Variants in ATXN10 observed in about 807,000 individuals in gnomAD.
The protein encoded by ATXN10 is ataxin 10.
ATXN10 carries 28 observed loss-of-function variants against 52.9 expected under a neutral mutation model. The observed-to-expected ratio is 0.53, with a 90% CI of 0.39 to 0.73. The LOEUF (loss-of-function observed/expected upper bound fraction) is 0.73, where lower values mean the gene tolerates loss of function less well. Ranked by LOEUF, ATXN10 falls within the 30% of genes least tolerant of loss-of-function variation. The pLI is 0.00. For missense variants in ATXN10, 565 were observed against 577.0 expected, an observed-to-expected ratio of 0.98 and a Z score of 0.21; for synonymous variants, 226 against 221.5, an observed-to-expected ratio of 1.02 and a Z score of -0.18.
intron 6 of ATXN10, among the ~76,000 whole-genome samples, chr22:45,725,132 A>G (rs1389985702): frequency 2.0e-5 from 3 of 152,010 alleles, no homozygotes; most frequent in Non-Finnish European, 4.4e-5. Context: ...TGCTTTGGAT[A>G]TTTGGGCTCT....
rs1476834775 is a variant in ATXN10 at position 45,708,556 on chromosome 22, G to A, written c.647+5709G>A. Among the ~76,000 whole-genome samples the A allele has an allele frequency of 1.3e-5, 2 of 152,190 alleles. No homozygotes were observed. Among genetic ancestry groups the A allele is most frequent in the Non-Finnish European group, 2.9e-5 (2 of 68,030 alleles). On this transcript the variant is annotated intron_variant, in intron 5 of 11. Transcript: ENST00000252934. This position sits in a 1 kb window ranked among gnomAD's most constrained non-coding sequence, Gnocchi z 5.3. The stretch of plus-strand genomic sequence containing the variant: ...CATTTTTATTAATACCATGTCATGT[G>A]TTATGAAAATTACCGATTTTCAGAG...
chr22:45,708,674 CTG>C lies in ATXN10; in HGVS notation c.647+5829_647+5830del, dbSNP rs1480048081. ...TTTCTTTTTGAGACAGAGTCTCACT[CTG>C]TTGCCCAGGCTGGAGTGCAGTGGTG... On this transcript the variant is annotated intron_variant, in intron 5 of 11. Coordinates refer to ENST00000252934, the MANE Select transcript of ATXN10 (RefSeq NM_013236.4). The surrounding 1 kb of genome is among the most constrained non-coding windows in gnomAD (Gnocchi z 5.3). Among the ~76,000 whole-genome samples, 1 of 152,306 alleles carries C rather than the reference CTG, an allele frequency of 6.6e-6. No homozygotes were observed. Among genetic ancestry groups the C allele is most frequent in the South Asian group, 2.1e-4 (1 of 4,826 alleles).
intron 7 of ATXN10, among the ~76,000 whole-genome samples, chr22:45,734,650 G>A (rs1925221072): frequency 2.0e-5 from 3 of 150,410 alleles, no homozygotes; most frequent in African/African-American, 7.3e-5. Context: ...AGTTCTTTCA[G>A]TACTTAGTTC....
rs1928881916 is a variant in ATXN10 at position 45,828,277 on chromosome 22, A to G, written c.1238-14714A>G. Among the ~76,000 whole-genome samples, 1 of 152,130 alleles carries G rather than the reference A, an allele frequency of 6.6e-6. No homozygotes were observed. The highest frequency in any genetic ancestry group is 1.5e-5 in the Non-Finnish European group (1 of 68,018). On this transcript the variant is annotated intron_variant, in intron 10 of 11. Transcript: ENST00000252934. This position sits in a 1 kb window ranked among gnomAD's most constrained non-coding sequence, Gnocchi z 4.5. ...GACAACATAACAGAACTTATGGGACACAGCAAAAATAATGCTAAGGGGGAA... is the reference window on the plus strand; with the variant it reads ...GACAACATAACAGAACTTATGGGACGCAGCAAAAATAATGCTAAGGGGGAA...
chr22:45,771,668 C>A (rs1037353386), intron 9 of ATXN10, among the ~76,000 whole-genome samples: 1 of 152,152 alleles, frequency 6.6e-6, no homozygotes, highest in African/African-American at 2.4e-5. Flanking sequence ...CCACCCACCT[C>A]GAGCTCCCAA....
intron 10 of ATXN10, among the ~76,000 whole-genome samples, chr22:45,814,498 A>G (rs1414771299): frequency 6.6e-6 from 1 of 152,242 alleles, no homozygotes; most frequent in African/African-American, 2.4e-5. Flanking sequence ...AGCAGCCTGA[A>G]CTAATACATG....
intron 1 of ATXN10, among the ~76,000 whole-genome samples, chr22:45,680,713 C>T (rs1922886623): frequency 6.6e-6 from 1 of 151,968 alleles, no homozygotes; most frequent in South Asian, 2.1e-4. Flanking sequence ...ATCCTCCTGC[C>T]TCAGCCTCCC....
intron 9 of ATXN10, among the ~76,000 whole-genome samples, chr22:45,797,331 A>T (rs1927777807): frequency 6.6e-6 from 1 of 152,236 alleles, no homozygotes; most frequent in Non-Finnish European, 1.5e-5. Context: ...AACAGTGCTC[A>T]ATAAATGTAG....
rs1372462702 is a variant in ATXN10 at position 45,754,125 on chromosome 22, G to T, written c.1173+13587G>T. 6.6e-6 allele frequency among the ~76,000 whole-genome samples: 1 copy of T among 152,220 alleles called. No individual in the cohort carries two copies. The highest frequency in any genetic ancestry group is 1.5e-5 in the Non-Finnish European group (1 of 68,042). On this transcript the variant is annotated intron_variant, in intron 9 of 11. Transcript: ENST00000252934. The surrounding 1 kb of genome is among the most constrained non-coding windows in gnomAD (Gnocchi z 5.4). ...GTTCCTGAGCCTTATGGGGTTAAGT[G>T]CAAAAGTGAGTCCTGTCAGCTAAGC...
rs1929445478 is a variant in ATXN10, at chr22:45,844,445, G to A, written c.*774G>A. The A allele has an allele frequency of 6.6e-6, 1 of 152,180 alleles. No individual in the cohort carries two copies. The highest frequency in any genetic ancestry group is 2.4e-5 in the African/African-American group (1 of 41,436). The allele number at this position is 152,180 out of a possible 1,614,324, so 9.4% of individuals were successfully genotyped here. A position where few individuals can be genotyped will look rare whatever the true frequency, so the allele number is the denominator to read the frequency against. On this transcript the variant is annotated 3_prime_UTR_variant, in exon 12 of 12. Coordinates refer to ENST00000252934, the MANE Select transcript of ATXN10 (RefSeq NM_013236.4). ...TCTGGTGCAGTGCCGTAGATTAAAG[G>A]TACATTTCTATCTTCTTTGATTTAA...
intron 9 of ATXN10, chr22:45,740,785 G>C (rs1162184803): frequency 4.7e-6 from 1 of 214,034 alleles, no homozygotes; most frequent in African/African-American, 2.4e-5. Flanking sequence ...TTAATATATA[G>C]GCTCTTTGGA....
At chr22:45,687,894 T>C (rs1923210939) in intron 1 of ATXN10, among the ~76,000 whole-genome samples, 2 of 152,066 alleles carry the variant, frequency 1.3e-5, no homozygotes, top group Non-Finnish European at 2.9e-5. Context: ...CTGTCTCTAC[T>C]AAAAATACAA....
Position 45,844,064 on chromosome 22 carries a change from T to C in ATXN10, c.*393T>C, listed in dbSNP as rs187828748. The C allele has an allele frequency of 6.5e-5, 13 of 198,796 alleles. No individual in the cohort carries two copies. The highest frequency in any genetic ancestry group is 1.9e-4 in the African/African-American group (8 of 42,868). 12.3% of individuals were successfully genotyped at this position (198,796 alleles called of 1,614,324 possible). A position where few individuals can be genotyped will look rare whatever the true frequency, so the allele number is the denominator to read the frequency against. On this transcript the variant is annotated 3_prime_UTR_variant, in exon 12 of 12. Coordinates refer to ENST00000252934, the MANE Select transcript of ATXN10 (RefSeq NM_013236.4). ...ATCATTCTTTATATTCCTCTTCTCA[T>C]TGGGTTTTCTGAACTCTGGCAGGCG...
intron 5 of ATXN10, among the ~76,000 whole-genome samples, chr22:45,713,095 T>G (rs1013670703): frequency 6.6e-6 from 1 of 152,080 alleles, no homozygotes; most frequent in Non-Finnish European, 1.5e-5. Context: ...AAAAAAAAAT[T>G]TCCCTGAAAC....
intron 10 of ATXN10, among the ~76,000 whole-genome samples, chr22:45,807,279 C>G (rs750863927): frequency 2.0e-4 from 30 of 152,134 alleles, no homozygotes; most frequent in Non-Finnish European, 4.1e-4. Flanking sequence ...ACTTTAAAAC[C>G]TGGGGCACAG....
rs1219725718 is a variant in ATXN10 at position 45,677,466 on chromosome 22, C to T, written c.116+5287C>T. On this transcript the variant is annotated intron_variant, in intron 1 of 11. Coordinates refer to ENST00000252934, the MANE Select transcript of ATXN10 (RefSeq NM_013236.4). The surrounding 1 kb of genome is among the most constrained non-coding windows in gnomAD (Gnocchi z 4.1). The stretch of plus-strand genomic sequence containing the variant: ...ATCTGCTTAGACAAAATGAGGTTTT[C>T]GTTGGTGTTTAATTTAAAAATTAAA... 1 of 143,094 alleles carries T rather than the reference C, an allele frequency of 7.0e-6. No individual in the cohort carries two copies. The highest frequency in any genetic ancestry group is 2.6e-5 in the African/African-American group (1 of 38,436). The allele number at this position is 143,094 out of a possible 1,614,324, so 8.9% of individuals were successfully genotyped here. A position where few individuals can be genotyped will look rare whatever the true frequency, so the allele number is the denominator to read the frequency against.
At chr22:45,745,360 GA>G (rs1037521109) in intron 9 of ATXN10, among the ~76,000 whole-genome samples, 1 of 152,140 alleles carries the variant, frequency 6.6e-6, no homozygotes, top group Non-Finnish European at 1.5e-5. Flanking sequence ...GCCCGCCAAG[GA>G]AATTGTATTG....
At chr22:45,836,687 C>T (rs1929178695) in intron 10 of ATXN10, among the ~76,000 whole-genome samples, 1 of 152,204 alleles carries the variant, frequency 6.6e-6, no homozygotes, top group South Asian at 2.1e-4. Context: ...ATGTTTTCTT[C>T]TTTGGCTGAC....
chr22:45,762,575 G>C lies in ATXN10; in HGVS notation c.1173+22037G>C, dbSNP rs1156244895. Among the ~76,000 whole-genome samples the C allele has an allele frequency of 2.0e-5, 3 of 152,148 alleles. No homozygotes were observed. Among genetic ancestry groups the C allele is most frequent in the African/African-American group, 7.2e-5 (3 of 41,430 alleles). On this transcript the variant is annotated intron_variant, in intron 9 of 11. Transcript: ENST00000252934. The surrounding 1 kb of genome is among the most constrained non-coding windows in gnomAD (Gnocchi z 4.3). ...CAGGGTGCTTCCTCCTCGCTCTCCA[G>C]CTGGCTGAAGGGAAGCTGGGCAAGA...
Sources: gnomAD v4.1 joint callset for allele counts (sites outside exome capture counted in the v4.1 genomes callset) on GRCh38, gnomAD v4.1.1 for gene constraint, Gnocchi (gnomAD v3.1) non-coding constraint, MANE v1.5 for transcripts, NCBI Gene and HGNC (gene_info 2026-07-23, HGNC 2026-07-21) for gene names.